RTKN2: variants seen among roughly 807,000 people sequenced by gnomAD.
RTKN2 encodes the protein rhotekin-2.
A neutral mutation model predicts 71.5 loss-of-function variants in RTKN2; 69 were observed. The ratio of observed to expected loss-of-function variants is 0.96; its 90% CI spans 0.79 to 1.18. The LOEUF is 1.18. RTKN2 is among the 50% of genes most tolerant of loss of function. The probability of loss-of-function intolerance (pLI) is 0.00; values close to 1 mark genes in which losing one functional copy is unlikely to be tolerated. For missense variants in RTKN2, 724 were observed against 719.7 expected, an observed-to-expected ratio of 1.01 and a Z score of -0.07; for synonymous variants, 236 against 236.5, an observed-to-expected ratio of 1.00 and a Z score of 0.02.
At chr10:62,200,006 A>G in intron 10 of RTKN2, 145 bp from the exon 11 acceptor site, 1 of 555,648 alleles carries the variant, frequency 1.8e-6, no homozygotes, top group Non-Finnish European at 3.2e-6. Flanking sequence ...GGAGGCTTGC[A>G]GAAAAACCTA....
chr10:62,237,290 T>C (rs898798149), intron 5 of RTKN2, among the ~76,000 whole-genome samples: 8 of 151,898 alleles, frequency 5.3e-5, no homozygotes, highest in Non-Finnish European at 8.8e-5. Context: ...CAAGAGAAGA[T>C]TGCAAAATCT....
At chr10:62,265,873 G>A (rs1355938936) in intron 1 of RTKN2, among the ~76,000 whole-genome samples, 1 of 152,180 alleles carries the variant, frequency 6.6e-6, no homozygotes, top group Admixed American at 6.5e-5. Flanking sequence ...CCTCAAAGAA[G>A]ATGAGTAGGG....
At chr10:62,222,013 C>G (rs1841919127) in intron 7 of RTKN2, among the ~76,000 whole-genome samples, 1 of 152,100 alleles carries the variant, frequency 6.6e-6, no homozygotes, top group South Asian at 2.1e-4. Context: ...AACCCTGTAA[C>G]TATTAAGAAT....
rs528874016 is a variant in RTKN2 at position 62,219,644 on chromosome 10, GA to G, written c.782-1344del. ...CAACTTGCTGTCATAATTTTTTTGAGAAAAAAAAGATCTTGACATTTAAGCT... is the reference window on the plus strand; with the variant it reads ...CAACTTGCTGTCATAATTTTTTTGAGAAAAAAAGATCTTGACATTTAAGCT... On this transcript the variant is annotated intron_variant, in intron 7 of 11. Transcript: ENST00000373789. 6.4e-3 allele frequency among the ~76,000 whole-genome samples: 965 copies of G among 151,614 alleles called. 8 individuals are homozygous for G. Among genetic ancestry groups the G allele is most frequent in the Admixed American group, 9.6e-3 (146 of 15,218 alleles).
intron 2 of RTKN2, among the ~76,000 whole-genome samples, chr10:62,252,893 C>A (rs1842608400): frequency 1.3e-5 from 2 of 152,050 alleles, no homozygotes; most frequent in East Asian, 1.9e-4. Flanking sequence ...ATAGTAACTA[C>A]TATGACTTAT....
chr10:62,217,094 T>G, intron 9 of RTKN2, 24 bp downstream of exon 9: 1 of 1,539,250 alleles, frequency 6.5e-7, no homozygotes, highest in Non-Finnish European at 8.7e-7. Flanking sequence ...GTATATTTTT[T>G]TCTCAAAATA....
At position 62,193,666 on chromosome 10, in the gene RTKN2, A is replaced by G. The variant is rs890439784; in HGVS notation, c.*4242T>C. ...AGGAATAAAGTACTGAGGGAGGTAC[A>G]TTAAAATAAGGAGACTCCTTGTGGC... On this transcript the variant is annotated 3_prime_UTR_variant, in exon 12 of 12. Transcript: ENST00000373789. 6.2e-5 allele frequency: 61 copies of G among 985,312 alleles called. No individual in the cohort carries two copies. The South Asian group carries it at 2.6e-3, about 42-fold the overall frequency. The allele number at this position is 985,312 out of a possible 1,614,324, so 61.0% of individuals were successfully genotyped here.
Position 62,196,909 on chromosome 10 carries a change from T to C in RTKN2, c.*999A>G. ...TCACTATGATTAGTTGCTATGGAAATTACCTCCTATGGAAATGATTCCAAT... is the reference window on the plus strand; with the variant it reads ...TCACTATGATTAGTTGCTATGGAAACTACCTCCTATGGAAATGATTCCAAT... On this transcript the variant is annotated 3_prime_UTR_variant, in exon 12 of 12. Transcript: ENST00000373789. The C allele has an allele frequency of 1.0e-6, 1 of 984,006 alleles. No individual in the cohort carries two copies. The highest frequency in any genetic ancestry group is 1.2e-6 in the Non-Finnish European group (1 of 828,716). 61.0% of individuals were successfully genotyped at this position (984,006 alleles called of 1,614,324 possible). A position where few individuals can be genotyped will look rare whatever the true frequency, so the allele number is the denominator to read the frequency against.
chr10:62,247,318 T>A (rs1304711000), intron 2 of RTKN2, among the ~76,000 whole-genome samples: 2 of 151,950 alleles, frequency 1.3e-5, no homozygotes, highest in East Asian at 3.8e-4. Flanking sequence ...CATAAATATA[T>A]AGGTGACATA....
chr10:62,199,500 C>T (rs78653992), intron 11 of RTKN2, among the ~76,000 whole-genome samples: 167 of 152,242 alleles, frequency 1.1e-3, no homozygotes, highest in African/African-American at 3.9e-3. Flanking sequence ...ATTTTCAGTG[C>T]ACCTTTACTC....
At chr10:62,232,922 C>T (rs1166376875) in intron 6 of RTKN2, among the ~76,000 whole-genome samples, 1 of 151,892 alleles carries the variant, frequency 6.6e-6, no homozygotes, top group Non-Finnish European at 1.5e-5. Flanking sequence ...AACAAAAACT[C>T]AGAGTAAATT....
chr10:62,191,447 A>G (rs974267074), downstream of RTKN2, among the ~76,000 whole-genome samples: 4 of 152,184 alleles, frequency 2.6e-5, no homozygotes, highest in Non-Finnish European at 4.4e-5. Flanking sequence ...GCCCAGCCTT[A>G]ACTCAATCCG....
chr10:62,214,962 C>A, intron 9 of RTKN2: 1 of 703,174 alleles, frequency 1.4e-6, no homozygotes, highest in Admixed American at 3.2e-5. Flanking sequence ...ATCTCTGAGA[C>A]TATTTCTTCA....
At chr10:62,211,544 GA>G (rs2132856118) in intron 9 of RTKN2, among the ~76,000 whole-genome samples, 2 of 152,250 alleles carry the variant, frequency 1.3e-5, no homozygotes, top group South Asian at 4.1e-4. Context: ...TTATTTTCAT[GA>G]GAAAAGAAGA....
At chr10:62,254,072 GA>G (rs1372166277) in intron 2 of RTKN2, among the ~76,000 whole-genome samples, 1 of 151,918 alleles carries the variant, frequency 6.6e-6, no homozygotes, top group African/African-American at 2.4e-5. Flanking sequence ...AATTCAAAGA[GA>G]AAAAAAGCAA....
chr10:62,257,131 A>G (rs1370387653), intron 2 of RTKN2, among the ~76,000 whole-genome samples: 4 of 152,208 alleles, frequency 2.6e-5, no homozygotes, highest in South Asian at 2.1e-4. Flanking sequence ...AGGTAGAAAG[A>G]AGGAGAGAAC....
chr10:62,195,639 G>GAAACC lies in RTKN2; in HGVS notation c.*2268_*2269insGGTTT. 1 of 684,006 alleles carries GAAACC rather than the reference G, an allele frequency of 1.5e-6. No individual in the cohort carries two copies. The highest frequency in any genetic ancestry group is 1.8e-6 in the Non-Finnish European group (1 of 558,300). The allele number at this position is 684,006 out of a possible 1,614,324, so 42.4% of individuals were successfully genotyped here. On this transcript the variant is annotated 3_prime_UTR_variant, in exon 12 of 12. Transcript: ENST00000373789. Reference sequence around the variant, plus strand: ...GGAAGGAAGGAAGGAAGGAAGGAAGGAAGGAAGGAAGGAAGGAAGGAAGGA... The same window carrying GAAACC: ...GGAAGGAAGGAAGGAAGGAAGGAAGGAAACCAAGGAAGGAAGGAAGGAAGGAAGGA...
In RTKN2 at chr10:62,253,353, T is replaced by A. The variant is rs969932848; in HGVS notation, c.258-7296A>T. Among the ~76,000 whole-genome samples, 5 of 152,224 alleles carry A rather than the reference T, an allele frequency of 3.3e-5. No individual in the cohort carries two copies. The East Asian group carries it at 9.6e-4, about 29-fold the overall frequency. ...TACAGAGCATCTTCCTAAAGCACAA[T>A]GTACAGAAGATACAAGGATGAAGAC... is the stretch of plus-strand genomic sequence containing the variant. On this transcript the variant is annotated intron_variant, in intron 2 of 11. Coordinates refer to ENST00000373789, the MANE Select transcript of RTKN2 (RefSeq NM_145307.4).
At chr10:62,234,385 C>A (rs1221849014) in intron 6 of RTKN2, among the ~76,000 whole-genome samples, 1 of 151,514 alleles carries the variant, frequency 6.6e-6, no homozygotes, top group East Asian at 1.9e-4. Context: ...AAATTAGCCA[C>A]CAGGCATGGT....
Sources: allele counts gnomAD v4.1 joint callset (sites outside exome capture counted in the v4.1 genomes callset), GRCh38; gene constraint gnomAD v4.1.1; transcripts MANE v1.5; gene names NCBI Gene and HGNC (gene_info 2026-07-23, HGNC 2026-07-21).